The following HAO2 variants were observed in gnomAD, a reference collection of about 807,000 sequenced individuals.
HAO2 encodes the protein hydroxyacid oxidase 2.
HAO2 carries 42 observed loss-of-function variants against 37.4 expected under a neutral mutation model. The ratio of observed to expected loss-of-function variants is 1.12; its 90% CI spans 0.88 to 1.45. The LOEUF (loss-of-function observed/expected upper bound fraction) is 1.45, where lower values mean the gene tolerates loss of function less well. Ranked by LOEUF, HAO2 falls within the 40% of genes most tolerant of loss-of-function variation. The pLI is 0.00. For synonymous variants in HAO2, 180 were observed against 162.8 expected, an observed-to-expected ratio of 1.11 and a Z score of -0.81; for missense variants, 476 against 430.2, an observed-to-expected ratio of 1.11 and a Z score of -0.94.
intron 1 of HAO2, chr1:119,380,740 AG>A: frequency 6.4e-7 from 1 of 1,550,840 alleles, no homozygotes; most frequent in Non-Finnish European, 8.9e-7. Flanking sequence ...TACAAAAATA[AG>A]AATTTTTTGT....
At chr1:119,388,457 T>G (rs587763417) in intron 5 of HAO2, among the ~76,000 whole-genome samples, 299 of 152,298 alleles carry the variant, frequency 2.0e-3, no homozygotes, top group Middle Eastern at 0.01. Context: ...GAATGAGTAT[T>G]GGCTAAGGTA....
In HAO2 at chr1:119,394,082, T is replaced by A. The variant is rs587606522; in HGVS notation, c.*242T>A. The A allele has an allele frequency of 4.6e-6, 6 of 1,298,066 alleles. No individual in the cohort carries two copies. In the African/African-American group the frequency reaches 7.5e-5, roughly 16 times the overall value. 80.4% of individuals were successfully genotyped at this position (1,298,066 alleles called of 1,614,324 possible). On this transcript the variant is annotated 3_prime_UTR_variant, in exon 8 of 8. Coordinates refer to ENST00000325945, the MANE Select transcript of HAO2 (RefSeq NM_016527.4). ...TATATGTTGCTCTCTTGCCTAAATCTTCCTCTGAAGTAAAAGATCTCAAAA... is the reference window on the plus strand; with the variant it reads ...TATATGTTGCTCTCTTGCCTAAATCATCCTCTGAAGTAAAAGATCTCAAAA...
At chr1:119,372,356 G>C (rs587608387) in intron 1 of HAO2, among the ~76,000 whole-genome samples, 1 of 152,266 alleles carries the variant, frequency 6.6e-6, no homozygotes, top group East Asian at 1.9e-4. Flanking sequence ...TATTTTCAAA[G>C]GTTTTTGAAG....
intron 5 of HAO2, among the ~76,000 whole-genome samples, chr1:119,387,655 T>C (rs1222931081): frequency 6.6e-6 from 1 of 152,220 alleles, no homozygotes; most frequent in African/African-American, 2.4e-5. Flanking sequence ...AATATTGTGT[T>C]TTTTTCTTTT....
intron 2 of HAO2, among the ~76,000 whole-genome samples, chr1:119,381,975 G>T (rs1034118148): frequency 2.6e-5 from 4 of 152,080 alleles, no homozygotes; most frequent in Non-Finnish European, 4.4e-5. Flanking sequence ...AGATTACATG[G>T]CCCACAAAGC....
At position 119,386,649 on chromosome 1, in the gene HAO2, ACTC is replaced by A; in HGVS notation, c.592_594del (p.Pro198del). On this transcript the variant is annotated inframe_deletion, in exon 5 of 8. Transcript: ENST00000325945. ...AAATGCAATACCTTATTTCCAGATG[ACTC>A]CTATCAGCACTTCTCTCTGCTGGAA... The A allele has an allele frequency of 1.9e-6, 3 of 1,610,180 alleles. No individual in the cohort carries two copies. Among genetic ancestry groups the A allele is most frequent in the Non-Finnish European group, 2.5e-6 (3 of 1,176,822 alleles).
intron 3 of HAO2, among the ~76,000 whole-genome samples, chr1:119,383,271 G>A (rs1557849899): frequency 6.6e-6 from 1 of 152,228 alleles, no homozygotes; most frequent in African/African-American, 2.4e-5. Flanking sequence ...AGAATAGTTA[G>A]AGTGCAAGGG....
intron 1 of HAO2, among the ~76,000 whole-genome samples, chr1:119,372,124 A>G (rs587628188): frequency 6.6e-6 from 1 of 152,354 alleles, no homozygotes; most frequent in East Asian, 1.9e-4. Flanking sequence ...CACTTGATAC[A>G]CAAAATAGCA....
At chr1:119,377,120 C>CCCCTTTTAAAAATAAATTTAAAAAT (rs2101189377) in intron 1 of HAO2, among the ~76,000 whole-genome samples, 1 of 152,300 alleles carries the variant, frequency 6.6e-6, no homozygotes, top group African/African-American at 2.4e-5. Context: ...AAATAAGTTT[C>CCCCTTTTAAAAATAAATTTAAAAAT]AATTTTAAAC....
At chr1:119,391,188 T>C (rs1650858953) in intron 5 of HAO2, among the ~76,000 whole-genome samples, 1 of 151,978 alleles carries the variant, frequency 6.6e-6, no homozygotes, top group South Asian at 2.1e-4. Flanking sequence ...AGAATGCTAA[T>C]GGATTCCTTT....
chr1:119,387,639 A>G (rs1468171100), intron 5 of HAO2, among the ~76,000 whole-genome samples: 1 of 152,218 alleles, frequency 6.6e-6, no homozygotes, highest in African/African-American at 2.4e-5. Context: ...TAAGAAAAGT[A>G]TAAATAATAT....
chr1:119,385,845 A>G (rs1266754267), intron 4 of HAO2: 2 of 984,798 alleles, frequency 2.0e-6, no homozygotes, highest in African/African-American at 3.5e-5. Context: ...TTCAAATTCC[A>G]GAAGCACATT....
chr1:119,381,057 G>T (rs1649888441), intron 1 of HAO2, 21 bp from the exon 2 acceptor site: 1 of 1,610,718 alleles, frequency 6.2e-7, no homozygotes, highest in South Asian at 1.1e-5. Flanking sequence ...GTTTGGTTTG[G>T]TTTTGTTTTC....
chr1:119,392,101 C>G lies in HAO2; in HGVS notation c.772-9C>G. Reference sequence around the variant, plus strand: ...AAAGCCCTCCAGCCCATGTGTATCTCCTTTTCAGATTGATGCTTTGACAGA... The same window carrying G: ...AAAGCCCTCCAGCCCATGTGTATCTGCTTTTCAGATTGATGCTTTGACAGA... On this transcript the variant is annotated splice_polypyrimidine_tract_variant and intron_variant, in intron 5 of 7. Coordinates refer to ENST00000325945, the MANE Select transcript of HAO2 (RefSeq NM_016527.4). 1 of 1,610,284 alleles carries G rather than the reference C, an allele frequency of 6.2e-7. No individual in the cohort carries two copies. Among genetic ancestry groups the G allele is most frequent in the East Asian group, 2.2e-5 (1 of 44,772 alleles).
At chr1:119,386,956 G>A in intron 5 of HAO2, 125 bp downstream of exon 5, 1 of 659,896 alleles carries the variant, frequency 1.5e-6, no homozygotes, top group Non-Finnish European at 2.7e-6. Flanking sequence ...ACATGTGTTG[G>A]TATGTATCTG....
At chr1:119,387,038 T>C (rs1650445915) in intron 5 of HAO2, among the ~76,000 whole-genome samples, 1 of 152,204 alleles carries the variant, frequency 6.6e-6, no homozygotes, top group Non-Finnish European at 1.5e-5. Context: ...CCTTTACATA[T>C]AGCATCTCTA....
chr1:119,371,726 T>C (rs1328468040), intron 1 of HAO2, among the ~76,000 whole-genome samples: 1 of 152,210 alleles, frequency 6.6e-6, no homozygotes, highest in Non-Finnish European at 1.5e-5. Flanking sequence ...TCCACAAGGA[T>C]TAAAACAGTC....
chr1:119,383,463 G>A (rs1650125517), intron 3 of HAO2, among the ~76,000 whole-genome samples: 1 of 152,194 alleles, frequency 6.6e-6, no homozygotes, highest in South Asian at 2.1e-4. Flanking sequence ...TCTGAATTTA[G>A]GATGAGGAGA....
chr1:119,369,830 T>C (rs1254864752), intron 1 of HAO2, among the ~76,000 whole-genome samples: 5 of 152,166 alleles, frequency 3.3e-5, no homozygotes, highest in African/African-American at 1.2e-4. Flanking sequence ...TATGAAAGTC[T>C]GTCTTCTTCG....
Sources: gnomAD v4.1 joint callset for allele counts (sites outside exome capture counted in the v4.1 genomes callset) on GRCh38, gnomAD v4.1.1 for gene constraint, MANE v1.5 for transcripts, NCBI Gene and HGNC (gene_info 2026-07-23, HGNC 2026-07-21) for gene names.